Variants in ETS1 observed in about 807,000 individuals in gnomAD.
ETS1 encodes ETS proto-oncogene 1, transcription factor.
In ETS1, 15 loss-of-function variants were observed where a neutral mutation model predicts 58.6. That is an observed-to-expected ratio of 0.26 (90% CI 0.17 to 0.39). The LOEUF is 0.39. ETS1 is among the 10% of genes least tolerant of loss of function. ETS1 has a pLI of 1.00. For synonymous variants in ETS1, 214 were observed against 218.2 expected (o/e 0.98, Z 0.17); for missense variants, 417 against 610.5 (o/e 0.68, Z 3.34).
chr11:128,508,127 G>C (rs573684950), intron 3 of ETS1, among the ~76,000 whole-genome samples: 1 of 152,286 alleles, frequency 6.6e-6, no homozygotes, highest in African/African-American at 2.4e-5. Flanking sequence ...GGCCCACTTG[G>C]TTATGGAGGT....
At chr11:128,529,700 A>T (rs1863864278) in intron 3 of ETS1, among the ~76,000 whole-genome samples, 1 of 152,198 alleles carries the variant, frequency 6.6e-6, no homozygotes, top group Admixed American at 6.5e-5. Context: ...GATGTGTCAC[A>T]CTAAGAACAG....
rs145608077 is a variant in ETS1 at position 128,523,426 on chromosome 11, G to A, written c.215-32850C>T. 1.8e-4 allele frequency among the ~76,000 whole-genome samples: 27 copies of A among 152,348 alleles called. No homozygotes were observed. The East Asian group carries it at 5.2e-3, about 29-fold the overall frequency. On this transcript the variant is annotated intron_variant, in intron 3 of 9. Coordinates refer to ENST00000392668, the MANE Select transcript of ETS1 (RefSeq NM_001143820.2). ...ATACATAGCTAGAACCAGGCACTGA[G>A]CTCCATCTTTGATTAACAGAAAGAT...
At chr11:128,465,179 G>A (rs776866879) in intron 8 of ETS1, among the ~76,000 whole-genome samples, 3 of 152,160 alleles carry the variant, frequency 2.0e-5, no homozygotes, top group East Asian at 1.9e-4. Context: ...CACTTGCCAC[G>A]CTAAATATGA....
At chr11:128,552,885 C>T (rs781479485) in intron 3 of ETS1, among the ~76,000 whole-genome samples, 1 of 152,128 alleles carries the variant, frequency 6.6e-6, no homozygotes, top group African/African-American at 2.4e-5. Flanking sequence ...CAGTTAATGA[C>T]GGTAAAACGT....
chr11:128,559,436 GT>G (rs1266266615), intron 2 of ETS1, among the ~76,000 whole-genome samples: 2 of 152,182 alleles, frequency 1.3e-5, no homozygotes, highest in Admixed American at 6.5e-5. Context: ...TATGTGGTTG[GT>G]TTTTTTCCTG....
chr11:128,585,131 GAAAGA>G lies in ETS1; in HGVS notation c.-15+2352_-15+2356del, dbSNP rs1313082652. On this transcript the variant is annotated intron_variant, in intron 1 of 9. Coordinates refer to ENST00000392668, the MANE Select transcript of ETS1 (RefSeq NM_001143820.2). The stretch of plus-strand genomic sequence containing the variant: ...AGGAAGGAAGGAAAGAAAGAAGAAA[GAAAGA>G]AAAGAAAGAAAGAAAGAAAGAAAGA... 8.1e-3 allele frequency among the ~76,000 whole-genome samples: 72 copies of G among 8,852 alleles called. 11 individuals are homozygous for G. Among genetic ancestry groups the G allele is most frequent in the Admixed American group, 0.016 (9 of 574 alleles). The allele number at this position is 8,852 out of a possible 152,430, so 5.8% of individuals were successfully genotyped here. A position where few individuals can be genotyped will look rare whatever the true frequency, so the allele number is the denominator to read the frequency against.
At chr11:128,498,969 T>G (rs531899936) in intron 3 of ETS1, among the ~76,000 whole-genome samples, 3 of 152,360 alleles carry the variant, frequency 2.0e-5, no homozygotes, top group African/African-American at 7.2e-5. Context: ...CACAGAGCCA[T>G]GGTCTCTACA....
intron 3 of ETS1, among the ~76,000 whole-genome samples, chr11:128,554,492 C>T (rs1478982005): frequency 6.6e-6 from 1 of 152,080 alleles, no homozygotes; most frequent in African/African-American, 2.4e-5. Context: ...TTCCCAGACA[C>T]TGTCTCATAG....
intron 3 of ETS1, among the ~76,000 whole-genome samples, chr11:128,539,988 T>A (rs1864029893): frequency 6.6e-6 from 1 of 152,168 alleles, no homozygotes; most frequent in Non-Finnish European, 1.5e-5. Context: ...GAAGATCGAC[T>A]GCTAATGGAT....
intron 3 of ETS1, among the ~76,000 whole-genome samples, chr11:128,554,772 T>C (rs1043335044): frequency 6.6e-6 from 1 of 151,706 alleles, no homozygotes; most frequent in Non-Finnish European, 1.5e-5. Context: ...TTGGGAGATA[T>C]AAGACTTAAG....
At chr11:128,541,961 T>C (rs1289727223) in intron 3 of ETS1, among the ~76,000 whole-genome samples, 2 of 152,172 alleles carry the variant, frequency 1.3e-5, no homozygotes, top group Non-Finnish European at 2.9e-5. Flanking sequence ...ATAAAGTCAA[T>C]GGGACTTGTG....
intron 3 of ETS1, among the ~76,000 whole-genome samples, chr11:128,539,705 C>T (rs753747030): frequency 6.6e-6 from 1 of 152,032 alleles, no homozygotes; most frequent in Non-Finnish European, 1.5e-5. Context: ...TTTATAATAA[C>T]CACAAAGTGA....
At chr11:128,490,159 G>T (rs149967319) in intron 4 of ETS1, among the ~76,000 whole-genome samples, 37 of 152,342 alleles carry the variant, frequency 2.4e-4, no homozygotes, top group African/African-American at 8.7e-4. Flanking sequence ...TAGAAGTTCA[G>T]ATGACAGCAG....
chr11:128,571,501 C>CAAAAAAAAAAAAAAAAAAAA (rs563312769), intron 2 of ETS1, among the ~76,000 whole-genome samples: 1 of 32,880 alleles, frequency 3.0e-5, no homozygotes, highest in African/African-American at 1.2e-4. Flanking sequence ...AAGACTCCGT[C>CAAAAAAAAAAAAAAAAAAAA]AAAAAAAAAA....
At position 128,463,274 on chromosome 11, in the gene ETS1, G is replaced by A. The variant is rs1024604463; in HGVS notation, c.1242+235C>T. Among the ~76,000 whole-genome samples the A allele has an allele frequency of 1.3e-5, 2 of 152,180 alleles. No individual in the cohort carries two copies. Among genetic ancestry groups the A allele is most frequent in the Non-Finnish European group, 2.9e-5 (2 of 68,030 alleles). On this transcript the variant is annotated intron_variant, in intron 9 of 9. Coordinates refer to ENST00000392668, the MANE Select transcript of ETS1 (RefSeq NM_001143820.2). This position sits in a 1 kb window ranked among gnomAD's most constrained non-coding sequence, Gnocchi z 4.1. ...TGATAACTGACCTACTGCCAGGCAC[G>A]TTAATGCCTTCTATCAGCTAATCCT...
intron 3 of ETS1, among the ~76,000 whole-genome samples, chr11:128,518,115 G>T (rs936473130): frequency 7.2e-5 from 11 of 152,052 alleles, no homozygotes; most frequent in Non-Finnish European, 1.3e-4. Context: ...AAAGTAACTG[G>T]CAACCCCCTC....
chr11:128,548,671 A>G (rs1230612845), intron 3 of ETS1, among the ~76,000 whole-genome samples: 3 of 152,210 alleles, frequency 2.0e-5, no homozygotes, highest in African/African-American at 4.8e-5. Context: ...CCACAGGCCG[A>G]AGGGCGAGGT....
chr11:128,514,003 GTAATTAAT>G (rs1863457135), intron 3 of ETS1, among the ~76,000 whole-genome samples: 1 of 152,146 alleles, frequency 6.6e-6, no homozygotes, highest in African/African-American at 2.4e-5. Context: ...CACAAAAAAA[GTAATTAAT>G]TGAGAACAGG....
At chr11:128,517,595 A>C (rs1648837993) in intron 3 of ETS1, among the ~76,000 whole-genome samples, 1 of 152,254 alleles carries the variant, frequency 6.6e-6, no homozygotes, top group South Asian at 2.1e-4. Flanking sequence ...AAGCTCATGG[A>C]ATTCCACCAC....
Sources: allele counts gnomAD v4.1 joint callset (sites outside exome capture counted in the v4.1 genomes callset), GRCh38; gene constraint gnomAD v4.1.1; non-coding constraint Gnocchi (gnomAD v3.1); transcripts MANE v1.5; gene names NCBI Gene and HGNC (gene_info 2026-07-23, HGNC 2026-07-21).